Variants in PCDH7 observed in about 807,000 individuals in gnomAD.
PCDH7 encodes protocadherin-7.
A neutral mutation model predicts 58.9 loss-of-function variants in PCDH7; 17 were observed. The ratio of observed to expected loss-of-function variants is 0.29; its 90% confidence interval spans 0.20 to 0.43. The LOEUF is 0.43. PCDH7 is among the 20% of genes least tolerant of loss of function. The pLI, the probability that PCDH7 is intolerant of heterozygous loss-of-function variation, is 1.00. For synonymous variants in PCDH7, 664 were observed against 616.4 expected, an observed-to-expected ratio of 1.08 and a Z score of -1.14; for missense variants, 1,274 against 1,441.0, an observed-to-expected ratio of 0.88 and a Z score of 1.88.
intron 3 of PCDH7, among the ~76,000 whole-genome samples, chr4:30,999,288 T>C (rs1028346146): frequency 6.6e-6 from 1 of 152,110 alleles, no homozygotes; most frequent in Admixed American, 6.6e-5. Flanking sequence ...AGCATAATTA[T>C]TGTGAGAAAA....
chr4:30,954,987 T>C (rs999606987), intron 3 of PCDH7, among the ~76,000 whole-genome samples: 7 of 152,184 alleles, frequency 4.6e-5, no homozygotes, highest in Admixed American at 2.6e-4. Flanking sequence ...TTGCTTTGAC[T>C]GAGTGGCATG....
At chr4:30,875,435 T>G (rs1478023415) in intron 1 of PCDH7, among the ~76,000 whole-genome samples, 1 of 152,074 alleles carries the variant, frequency 6.6e-6, no homozygotes, top group East Asian at 1.9e-4. Flanking sequence ...GGAGACACAA[T>G]TCAATCCATA....
rs1718302001 is a variant in PCDH7 at position 30,750,030 on chromosome 4, G to A, written c.70+25434G>A. Among the ~76,000 whole-genome samples the A allele has an allele frequency of 5.9e-5, 9 of 152,254 alleles. 1 individual carries two copies. The South Asian group carries it at 1.7e-3, about 28-fold the overall frequency. On this transcript the variant is annotated intron_variant, in intron 1 of 3. Transcript: ENST00000509759. ...TCTATACAAAAGGTATTTATATCTA[G>A]TGGGTAGATGGCAGGGATGTTGCTA... is the stretch of plus-strand genomic sequence containing the variant.
chr4:30,946,690 T>TGTGTGTGTG (rs1746724379), intron 2 of PCDH7, among the ~76,000 whole-genome samples: 1 of 137,554 alleles, frequency 7.3e-6, no homozygotes, highest in Non-Finnish European at 1.6e-5. Flanking sequence ...CTTATCTCTT[T>TGTGTGTGTG]TGTGTGTGTG....
At chr4:30,731,136 A>G (rs894470014) in exon 2 of PCDH7, 2 of 1,024,232 alleles carry the variant, frequency 2.0e-6, no homozygotes, top group African/African-American at 3.4e-5. Context: ...CTTTGTGTGA[A>G]CAAAGGGAAA....
chr4:30,827,072 A>G (rs1233062649), intron 1 of PCDH7, among the ~76,000 whole-genome samples: 1 of 152,212 alleles, frequency 6.6e-6, no homozygotes. Flanking sequence ...AGAAAGATAC[A>G]AATGCAAAGA....
chr4:30,981,101 C>T (rs1231423264), intron 3 of PCDH7, among the ~76,000 whole-genome samples: 1 of 152,222 alleles, frequency 6.6e-6, no homozygotes, highest in African/African-American at 2.4e-5. Flanking sequence ...CTTGGCCTCC[C>T]AAAGTGCTGG....
At chr4:30,896,185 C>A (rs753635762) in intron 1 of PCDH7, among the ~76,000 whole-genome samples, 2 of 151,936 alleles carry the variant, frequency 1.3e-5, no homozygotes, top group Admixed American at 6.6e-5. Context: ...CATTTTGGAC[C>A]GTAAATTTGG....
intron 3 of PCDH7, among the ~76,000 whole-genome samples, chr4:30,999,756 C>A (rs990995988): frequency 5.3e-5 from 8 of 152,070 alleles, no homozygotes; most frequent in African/African-American, 1.7e-4. Flanking sequence ...TGATTAGGTT[C>A]TCTCACCATT....
intron 3 of PCDH7, among the ~76,000 whole-genome samples, chr4:30,969,307 T>A (rs61792870): frequency 6.6e-6 from 1 of 152,184 alleles, no homozygotes; most frequent in Non-Finnish European, 1.5e-5. Context: ...GCTGCACTGC[T>A]GCACCTGTGT....
rs1252655778 is a variant in PCDH7, at chr4:30,723,555, A to C, written c.2133A>C (p.Arg711Ser). The C allele has an allele frequency of 3.7e-6, 6 of 1,614,044 alleles. No individual in the cohort carries two copies. Among genetic ancestry groups the C allele is most frequent in the Non-Finnish European group, 4.2e-6 (5 of 1,180,018 alleles). Residue 711 changes from arginine (R) to serine (S), a missense_variant, in exon 1 of 2, where the codon AGA (arginine) becomes AGC (serine). Physicochemically the swap from Arg to Ser is moderately radical, Grantham distance 110. Around this residue, in one of 3 missense-constraint regions of PCDH7, gnomAD observed 731 missense variants for 881.9 expected, o/e 0.83. Transcript: ENST00000361762. The surrounding 1 kb of genome is among the most constrained non-coding windows in gnomAD (Gnocchi z 4.6). ...AACATCAGACCACATACACTTTCAGAGTCAAGGCTGTGGATGGGGGAGATC... is the reference window on the plus strand; with the variant it reads ...AACATCAGACCACATACACTTTCAGCGTCAAGGCTGTGGATGGGGGAGATC...
rs1171173518 is a variant in PCDH7, at chr4:30,968,368, T to C, written c.*7+18153T>C. On this transcript the variant is annotated intron_variant, in intron 3 of 3. Transcript: ENST00000509759. Reference sequence around the variant, plus strand: ...TATATATATACACACACTATATATATACACACACTATATATATATATATAT... The same window carrying C: ...TATATATATACACACACTATATATACACACACACTATATATATATATATAT... Among the ~76,000 whole-genome samples, 9 of 115,978 alleles carry C rather than the reference T, an allele frequency of 7.8e-5. 1 individual carries two copies. The highest frequency in any genetic ancestry group is 5.4e-4 in the South Asian group (2 of 3,734). 76.1% of individuals were successfully genotyped at this position (115,978 alleles called of 152,430 possible).
chr4:30,987,066 C>T (rs1434029418), intron 3 of PCDH7, among the ~76,000 whole-genome samples: 1 of 152,156 alleles, frequency 6.6e-6, no homozygotes, highest in East Asian at 1.9e-4. Context: ...AGGGAAATCA[C>T]AGTATTCATA....
intron 3 of PCDH7, among the ~76,000 whole-genome samples, chr4:31,019,487 TG>T (rs1753859019): frequency 6.6e-6 from 1 of 151,986 alleles, no homozygotes; most frequent in Non-Finnish European, 1.5e-5. Flanking sequence ...GTGGATCATC[TG>T]AGGTCAAGAG....
At chr4:30,730,295 G>GT (rs1279290284) in intron 1 of PCDH7, among the ~76,000 whole-genome samples, 7 of 151,548 alleles carry the variant, frequency 4.6e-5, no homozygotes, top group South Asian at 2.1e-4. Flanking sequence ...GCTTTTCTTA[G>GT]TTTTTTTAAA....
chr4:30,851,396 T>A (rs982985882), intron 1 of PCDH7, among the ~76,000 whole-genome samples: 1 of 151,974 alleles, frequency 6.6e-6, no homozygotes, highest in Non-Finnish European at 1.5e-5. Flanking sequence ...GGCTCCCAAA[T>A]CTATATTTTT....
In PCDH7 at chr4:30,721,869, G is replaced by C. The variant is rs754947889; in HGVS notation, c.447G>C (p.Thr149=). Residue 149 remains threonine, a synonymous_variant, in exon 1 of 2, where the codon ACG becomes ACC. Coordinates refer to ENST00000361762, the Ensembl canonical transcript of PCDH7. The surrounding 1 kb of genome is among the most constrained non-coding windows in gnomAD (Gnocchi z 6.7). ...CCACCTTCCCGTCGCCCGTGCTCAC[G>C]CTCACGGTGGAGGAGAATCGGCCGG... 6 of 1,602,936 alleles carry C rather than the reference G, an allele frequency of 3.7e-6. No homozygotes were observed. The highest frequency in any genetic ancestry group is 2.7e-5 in the African/African-American group (2 of 74,698).
Position 30,723,099 on chromosome 4 carries a change from G to A in PCDH7, c.1677G>A (p.Ala559=), listed in dbSNP as rs751786707. 8 of 1,613,964 alleles carry A rather than the reference G, an allele frequency of 5.0e-6. No individual in the cohort carries two copies. Among genetic ancestry groups the A allele is most frequent in the Non-Finnish European group, 6.8e-6 (8 of 1,180,042 alleles). Residue 559 remains alanine (A), a synonymous_variant, in exon 1 of 2, where the codon GCG becomes GCA. Transcript: ENST00000361762. The surrounding 1 kb of genome is among the most constrained non-coding windows in gnomAD (Gnocchi z 4.6). ...GCGAGAGGGTGGCCACGGTGCTGGC[G>A]ACAGACGCAGACAGCGGTAAGAACG...
intron 3 of PCDH7, among the ~76,000 whole-genome samples, chr4:30,980,566 A>G (rs1050264273): frequency 2.0e-5 from 3 of 152,194 alleles, no homozygotes; most frequent in Admixed American, 6.5e-5. Context: ...ATTTTCTCCA[A>G]TTGATCCTCA....
Sources: allele counts gnomAD v4.1 joint callset (sites outside exome capture counted in the v4.1 genomes callset), GRCh38; gene constraint gnomAD v4.1.1; regional missense constraint gnomAD v4.1.1; non-coding constraint Gnocchi (gnomAD v3.1); transcripts MANE v1.5; gene names NCBI Gene and HGNC (gene_info 2026-07-23, HGNC 2026-07-21).